REXO5: variants seen among roughly 807,000 people sequenced by gnomAD.
REXO5 encodes the protein RNA exonuclease 5.
Under a neutral mutation model 88.5 loss-of-function variants are expected in REXO5, and 48 were observed. The ratio of observed to expected loss-of-function variants is 0.54; its 90% confidence interval spans 0.43 to 0.69. The LOEUF (loss-of-function observed/expected upper bound fraction) is 0.69. REXO5 is among the 30% of genes least tolerant of loss of function. REXO5 has a pLI of 0.00. For missense variants in REXO5, 749 were observed against 912.2 expected, an observed-to-expected ratio of 0.82 and a Z score of 2.30; for synonymous variants, 311 against 336.5, an observed-to-expected ratio of 0.92 and a Z score of 0.83.
chr16:20,813,265 T>C lies in REXO5; in HGVS notation c.214T>C (p.Tyr72His). The change falls in exon 3 of 20, where the codon TAT becomes CAT. Residue 72 changes from tyrosine to histidine, a missense_variant. By Grantham distance (83) the Tyr-to-His change is moderately conservative. Transcript: ENST00000261377. ...THDQLCELLK[Y>H]AVLGKSNVPK... ...TGACCAGCTGTGTGAATTGCTGAAG[T>C]ATGCAGTTCTGGGCAAATCCAATGT... is the stretch of plus-strand genomic sequence containing the variant. 6.2e-7 allele frequency: 1 copy of C among 1,613,736 alleles called. No individual in the cohort carries two copies. The highest frequency in any genetic ancestry group is 8.5e-7 in the Non-Finnish European group (1 of 1,179,768).
At chr16:20,834,038 T>C (rs1057026752) in intron 13 of REXO5, among the ~76,000 whole-genome samples, 6 of 152,240 alleles carry the variant, frequency 3.9e-5, no homozygotes, top group Non-Finnish European at 7.3e-5. Flanking sequence ...CCTCAACCTT[T>C]CTTTGTCTTT....
intron 5 of REXO5, among the ~76,000 whole-genome samples, chr16:20,818,919 T>C (rs1441275925): frequency 2.0e-5 from 3 of 152,240 alleles, no homozygotes; most frequent in Admixed American, 1.3e-4. Flanking sequence ...CTATTCTTCC[T>C]GATGCTTTAC....
In REXO5 at chr16:20,846,417, G is replaced by A. The variant is rs371995383; in HGVS notation, c.2243+78G>A. On this transcript the variant is annotated intron_variant, in intron 19 of 19. Coordinates refer to ENST00000261377, the MANE Select transcript of REXO5 (RefSeq NM_030941.3). ...GTTCTTAGAGAAAAAGCCTTTTGCT[G>A]ATATTTAGGCACATAGTGAGGACTT... 6.7e-5 allele frequency: 70 copies of A among 1,049,752 alleles called. No individual in the cohort carries two copies. The East Asian group carries it at 1.6e-3, about 24-fold the overall frequency. 65.0% of individuals were successfully genotyped at this position (1,049,752 alleles called of 1,614,324 possible). A position where few individuals can be genotyped will look rare whatever the true frequency, so the allele number is the denominator to read the frequency against.
intron 13 of REXO5, 111 bp downstream of exon 13, chr16:20,833,234 T>C: frequency 8.6e-7 from 1 of 1,163,338 alleles, no homozygotes; most frequent in East Asian, 2.6e-5. Flanking sequence ...TGGCTACAGT[T>C]AGCAAGCCTG....
intron 15 of REXO5, among the ~76,000 whole-genome samples, chr16:20,842,268 G>A (rs1035324265): frequency 1.1e-4 from 16 of 149,034 alleles, no homozygotes; most frequent in Non-Finnish European, 1.6e-4. Context: ...CTCTGTGTAC[G>A]TACCTCACAT....
intron 13 of REXO5, among the ~76,000 whole-genome samples, chr16:20,836,365 A>T (rs533933131): frequency 6.6e-6 from 1 of 152,276 alleles, no homozygotes; most frequent in South Asian, 2.1e-4. Flanking sequence ...AAAGTCACAT[A>T]GTTGGAATCA....
intron 2 of REXO5, chr16:20,808,903 G>GC (rs1555490122): frequency 7.0e-6 from 1 of 143,794 alleles, no homozygotes; most frequent in Non-Finnish European, 1.5e-5. Flanking sequence ...GCTTTTTTTT[G>GC]TTTTTTTTTC....
intron 15 of REXO5, among the ~76,000 whole-genome samples, chr16:20,841,981 G>A (rs900677927): frequency 3.3e-5 from 5 of 152,336 alleles, no homozygotes; most frequent in Middle Eastern, 3.4e-3. Flanking sequence ...GGGATGAGAA[G>A]TGTATAGCAA....
At chr16:20,838,133 T>G (rs2081465102) in intron 13 of REXO5, among the ~76,000 whole-genome samples, 1 of 152,168 alleles carries the variant, frequency 6.6e-6, no homozygotes, top group African/African-American at 2.4e-5. Context: ...ACTGATTTGT[T>G]TTTGAACAAG....
intron 5 of REXO5, 115 bp from the exon 6 acceptor site, chr16:20,821,647 G>A (rs2081187556): frequency 3.1e-6 from 3 of 974,992 alleles, no homozygotes; most frequent in Non-Finnish European, 4.3e-6. Flanking sequence ...GGTTGGGGCT[G>A]AGTTTTATAC....
chr16:20,822,368 C>T (rs1256547786), intron 6 of REXO5, among the ~76,000 whole-genome samples: 1 of 152,148 alleles, frequency 6.6e-6, no homozygotes, highest in Non-Finnish European at 1.5e-5. Context: ...ACTTTGATTT[C>T]ATTTTATTTT....
rs191349312 is a variant in REXO5, at chr16:20,811,582, C to T, written c.139-1608C>T. Among the ~76,000 whole-genome samples, 278 of 152,304 alleles carry T rather than the reference C, an allele frequency of 1.8e-3. No individual in the cohort carries two copies. The Middle Eastern group carries it at 0.02, about 11-fold the overall frequency. On this transcript the variant is annotated intron_variant, in intron 2 of 19. Transcript: ENST00000261377. ...AAAAAAGAATGATTGATAAAATCCA[C>T]TGCGGGCTGTATAGTATAGAGATAA...
At chr16:20,823,501 G>C (rs1290296343) in intron 6 of REXO5, 1 of 152,132 alleles carries the variant, frequency 6.6e-6, no homozygotes, top group Non-Finnish European at 1.5e-5. Context: ...GGGCAGTACT[G>C]CTAACACCTA....
chr16:20,827,018 T>G, intron 8 of REXO5, 40 bp from the exon 9 acceptor site: 1 of 1,590,788 alleles, frequency 6.3e-7, no homozygotes, highest in Non-Finnish European at 8.6e-7. Context: ...GAAAACTTGT[T>G]AATATCCTAG....
chr16:20,844,993 C>T, intron 17 of REXO5, 61 bp from the exon 18 acceptor site: 2 of 1,583,640 alleles, frequency 1.3e-6, no homozygotes, highest in Non-Finnish European at 1.7e-6. Context: ...GGCCAGGCAG[C>T]TTGGATGGTG....
chr16:20,810,051 T>C (rs1442770301), intron 2 of REXO5, among the ~76,000 whole-genome samples: 1 of 152,252 alleles, frequency 6.6e-6, no homozygotes. Context: ...ACATCATTCT[T>C]TGAGCATGTC....
At chr16:20,828,962 A>G (rs2081300475) in intron 11 of REXO5, among the ~76,000 whole-genome samples, 1 of 151,714 alleles carries the variant, frequency 6.6e-6, no homozygotes, top group South Asian at 2.1e-4. Flanking sequence ...AAAAAAGAAA[A>G]GAAAATGGCA....
chr16:20,822,873 G>A (rs1304312792), intron 6 of REXO5, among the ~76,000 whole-genome samples: 2 of 152,108 alleles, frequency 1.3e-5, no homozygotes, highest in Non-Finnish European at 2.9e-5. Flanking sequence ...TTTTTGTGTG[G>A]GCACATGCTT....
intron 15 of REXO5, among the ~76,000 whole-genome samples, chr16:20,842,379 T>C (rs2081541525): frequency 6.6e-6 from 1 of 152,250 alleles, no homozygotes; most frequent in African/African-American, 2.4e-5. Flanking sequence ...AATTTCATTT[T>C]CAAGGCAAAA....
Sources: allele counts gnomAD v4.1 joint callset (sites outside exome capture counted in the v4.1 genomes callset), GRCh38; gene constraint gnomAD v4.1.1; transcripts MANE v1.5; gene names NCBI Gene and HGNC (gene_info 2026-07-23, HGNC 2026-07-21).